Variants in MAP9 observed in about 807,000 individuals in gnomAD.
The protein encoded by MAP9 is microtubule-associated protein 9.
In MAP9, 80 loss-of-function variants were observed where a neutral mutation model predicts 75.2. The observed-to-expected ratio is 1.06, with a 90% CI of 0.89 to 1.28. The LOEUF is 1.28. MAP9 is among the 50% of genes most tolerant of loss of function. The pLI is 0.00. For missense variants in MAP9, 753 were observed against 719.9 expected (o/e 1.05, Z -0.53); for synonymous variants, 235 against 237.3 (o/e 0.99, Z 0.09).
At chr4:155,348,287 A>C (rs1731358650) in intron 13 of MAP9, among the ~76,000 whole-genome samples, 1 of 152,110 alleles carries the variant, frequency 6.6e-6, no homozygotes, top group South Asian at 2.1e-4. Context: ...CAGTGAGCCG[A>C]GATTGCACCA....
chr4:155,371,255 C>T (rs749363211), intron 4 of MAP9, among the ~76,000 whole-genome samples: 65 of 151,562 alleles, frequency 4.3e-4, no homozygotes, highest in Non-Finnish European at 6.5e-4. Context: ...TATCTCACCA[C>T]ATTAAAAACA....
chr4:155,359,711 C>T lies in MAP9; in HGVS notation c.1050+457G>A, dbSNP rs150002511. Among the ~76,000 whole-genome samples the T allele has an allele frequency of 3.6e-4, 55 of 152,092 alleles. 2 individuals are homozygous for T. The Middle Eastern group carries it at 0.017, about 47-fold the overall frequency. ...ATAATACTAATGTTCCTGATGATAACCATCTATTTTAAAGAAGCACAGATG... is the reference window on the plus strand; with the variant it reads ...ATAATACTAATGTTCCTGATGATAATCATCTATTTTAAAGAAGCACAGATG... On this transcript the variant is annotated intron_variant, in intron 7 of 13. Coordinates refer to ENST00000311277, the MANE Select transcript of MAP9 (RefSeq NM_001039580.2).
chr4:155,368,852 G>C, intron 4 of MAP9, 40 bp from the exon 5 acceptor site: 1 of 1,515,866 alleles, frequency 6.6e-7, no homozygotes. Flanking sequence ...ATAAAAAAAT[G>C]ACCATGGCTT....
At chr4:155,362,795 C>G (rs1732149207) in intron 5 of MAP9, 1 of 152,100 alleles carries the variant, frequency 6.6e-6, no homozygotes, top group South Asian at 2.1e-4. Context: ...TGTACAAATA[C>G]TTTAATTTTC....
intron 4 of MAP9, among the ~76,000 whole-genome samples, chr4:155,371,747 G>A (rs1732606799): frequency 6.7e-6 from 1 of 150,210 alleles, no homozygotes; most frequent in African/African-American, 2.4e-5. Context: ...TGAAATAGGT[G>A]GATTATTGCT....
In MAP9 at chr4:155,373,139, A is replaced by T; in HGVS notation, c.478T>A (p.Ser160Thr). The T allele has an allele frequency of 6.5e-7, 1 of 1,543,392 alleles. No homozygotes were observed. Among genetic ancestry groups the T allele is most frequent in the Non-Finnish European group, 8.7e-7 (1 of 1,145,474 alleles). Residue 160 changes from serine (S) to threonine (T), a missense_variant, in exon 4 of 14, where the codon TCA (serine) becomes ACA (threonine). Coordinates refer to ENST00000311277, the MANE Select transcript of MAP9 (RefSeq NM_001039580.2). ...TACAGTAATCCTAACAAATTACCTG[A>T]AGATGTGCTTTTAATTGAAAGAATT... ...PRILSIKSTS[S>T]AENNSLDTDD...
chr4:155,355,743 T>TA lies in MAP9; in HGVS notation c.1262_1263insT (p.Asp422ArgfsTer2). On this transcript the variant is annotated frameshift_variant, in exon 9 of 14. Coordinates refer to ENST00000311277, the MANE Select transcript of MAP9 (RefSeq NM_001039580.2). LOFTEE classifies it high-confidence loss of function. Reference sequence around the variant, plus strand: ...GATAAACAGCTGCCCTTATGTTATCTGCTCTATCAGGTTCTATGCTCTGTT... The same window carrying TA: ...GATAAACAGCTGCCCTTATGTTATCTAGCTCTATCAGGTTCTATGCTCTGTT... 2 of 1,611,430 alleles carry TA rather than the reference T, an allele frequency of 1.2e-6. No individual in the cohort carries two copies. The highest frequency in any genetic ancestry group is 1.7e-6 in the Non-Finnish European group (2 of 1,179,282).
intron 7 of MAP9, among the ~76,000 whole-genome samples, chr4:155,358,950 G>C (rs760506561): frequency 3.9e-5 from 6 of 151,946 alleles, no homozygotes; most frequent in Non-Finnish European, 5.9e-5. Flanking sequence ...ACAGAGAAAA[G>C]GGAATGCTTG....
chr4:155,375,230 C>G (rs1199526392), intron 2 of MAP9, among the ~76,000 whole-genome samples: 4 of 152,162 alleles, frequency 2.6e-5, no homozygotes, highest in African/African-American at 9.7e-5. Context: ...AGAGCCCTTC[C>G]TCATGGAGCT....
Position 155,360,202 on chromosome 4 carries a change from ATAC to A in MAP9, c.1013_1015del (p.Ser338del), listed in dbSNP as rs963331096. On this transcript the variant is annotated inframe_deletion, in exon 7 of 14. Coordinates refer to ENST00000311277, the MANE Select transcript of MAP9 (RefSeq NM_001039580.2). ...TGCTGTTGCACTGGTAGATATTAAG[ATAC>A]TCTGAGATTTAGATAGTAGTGGATC... The A allele has an allele frequency of 6.2e-7, 1 of 1,612,354 alleles. No individual in the cohort carries two copies. Among genetic ancestry groups the A allele is most frequent in the African/African-American group, 1.3e-5 (1 of 74,852 alleles).
Position 155,355,793 on chromosome 4 carries a change from CTT to C in MAP9, c.1211_1212del (p.Lys404SerfsTer15). The C allele has an allele frequency of 1.2e-6, 2 of 1,613,946 alleles. No homozygotes were observed. Among genetic ancestry groups the C allele is most frequent in the African/African-American group, 1.3e-5 (1 of 75,034 alleles). ...TTCTGTGAAGGTTTTTGGTCCAAGA[CTT>C]TTAAAGTCCCTAAATAGTGAGAAGA... ...TTSSHYLGTLKVLDQKPSQKQ... is the reference protein window; with the variant it reads ...TTSSHYLGTLXVLDQKPSQKQ... On this transcript the variant is annotated frameshift_variant, in exon 9 of 14. Coordinates refer to ENST00000311277, the MANE Select transcript of MAP9 (RefSeq NM_001039580.2). LOFTEE classifies it high-confidence loss of function.
Position 155,374,991 on chromosome 4 carries a change from A to T in MAP9, c.106T>A (p.Ser36Thr), listed in dbSNP as rs1578865924. Reference protein sequence around the residue: ...DELIRAITARSARQRSSEYSD... With the variant: ...DELIRAITARTARQRSSEYSD... ...TATTCAGAACTCCTTTGTCTGGCTGAGCGAGCTGTAATTGCTCTTATTAGC... is the reference window on the plus strand; with the variant it reads ...TATTCAGAACTCCTTTGTCTGGCTGTGCGAGCTGTAATTGCTCTTATTAGC... Residue 36 changes from serine (S) to threonine (T), a missense_variant, in exon 3 of 14, where the codon TCA becomes ACA. By Grantham distance (58) the Ser-to-Thr change is moderately conservative. Transcript: ENST00000311277. The T allele has an allele frequency of 2.5e-6, 4 of 1,589,018 alleles. No individual in the cohort carries two copies. Among genetic ancestry groups the T allele is most frequent in the Non-Finnish European group, 3.4e-6 (4 of 1,161,302 alleles).
intron 7 of MAP9, among the ~76,000 whole-genome samples, chr4:155,359,839 A>G (rs1193539299): frequency 6.6e-6 from 1 of 152,082 alleles, no homozygotes; most frequent in Non-Finnish European, 1.5e-5. Flanking sequence ...AATCTCAGAA[A>G]TTATTCCAGA....
intron 4 of MAP9, among the ~76,000 whole-genome samples, chr4:155,369,051 G>A (rs1167045971): frequency 2.6e-5 from 4 of 152,108 alleles, no homozygotes; most frequent in African/African-American, 9.7e-5. Flanking sequence ...TGTTGGGAGC[G>A]GTGACTCACG....
In MAP9 at chr4:155,357,313, C is replaced by A. The variant is rs144558740; in HGVS notation, c.1121+136G>T. On this transcript the variant is annotated intron_variant, in intron 8 of 13. Transcript: ENST00000311277. ...CCAAGGGGTTTTATCATGAAGTTAA[C>A]TACTTTCATTTTATGAAATGGAAAT... 218 of 658,668 alleles carry A rather than the reference C, an allele frequency of 3.3e-4. No homozygotes were observed. In the African/African-American group the frequency reaches 3.4e-3, roughly 10 times the overall value. 40.8% of individuals were successfully genotyped at this position (658,668 alleles called of 1,614,324 possible).
chr4:155,361,305 T>G (rs1732068788), intron 6 of MAP9: 1 of 152,028 alleles, frequency 6.6e-6, no homozygotes, highest in Non-Finnish European at 1.5e-5. Context: ...TTAACTATGG[T>G]TCCATCACTG....
At chr4:155,355,688 T>G (rs761733501) in intron 9 of MAP9, 28 bp downstream of exon 9, 2 of 1,555,728 alleles carry the variant, frequency 1.3e-6, no homozygotes, top group South Asian at 2.3e-5. Flanking sequence ...ATCATTCTTC[T>G]TCTCTTAAAA....
chr4:155,362,408 T>C (rs1394186574), intron 5 of MAP9: 2 of 285,382 alleles, frequency 7.0e-6, no homozygotes, highest in Non-Finnish European at 1.3e-5. Flanking sequence ...TATTTATTTT[T>C]TACCAATTTT....
In MAP9 at chr4:155,368,807, T is replaced by C; in HGVS notation, c.487A>G (p.Asn163Asp). Residue 163 changes from asparagine to aspartate, a missense_variant, in exon 5 of 14, where the codon AAC becomes GAC. Transcript: ENST00000311277. ...TGATCATCTGTGTCAAGGCTGTTGT[T>C]TTCTGCTGAAAAATAAAATGCTTAA... ...LSIKSTSSAENNSLDTDDHFK... is the reference protein window; with the variant it reads ...LSIKSTSSAEDNSLDTDDHFK... The C allele has an allele frequency of 6.2e-7, 1 of 1,600,664 alleles. No homozygotes were observed. The highest frequency in any genetic ancestry group is 1.1e-5 in the South Asian group (1 of 88,346).
Sources: gnomAD v4.1 joint callset for allele counts (sites outside exome capture counted in the v4.1 genomes callset) on GRCh38, gnomAD v4.1.1 for gene constraint, MANE v1.5 for transcripts, NCBI Gene and HGNC (gene_info 2026-07-23, HGNC 2026-07-21) for gene names.